The following MAML3 variants were observed in gnomAD, a reference collection of about 807,000 sequenced individuals.
MAML3 encodes mastermind like transcriptional coactivator 3, also known as mastermind-like protein 3.
Under a neutral mutation model 101.9 loss-of-function variants are expected in MAML3, and 27 were observed. The ratio of observed to expected loss-of-function variants is 0.27; its 90% CI spans 0.20 to 0.37. MAML3 has a LOEUF of 0.37. MAML3 is among the 10% of genes least tolerant of loss of function. The pLI is 1.00. For missense variants in MAML3, 1,316 were observed against 1,444.9 expected, an observed-to-expected ratio of 0.91 and a Z score of 1.45; for synonymous variants, 501 against 555.9, an observed-to-expected ratio of 0.90 and a Z score of 1.39.
intron 1 of MAML3, among the ~76,000 whole-genome samples, chr4:139,941,772 C>T (rs1380543118): frequency 6.6e-6 from 1 of 152,092 alleles, no homozygotes; most frequent in Non-Finnish European, 1.5e-5. Flanking sequence ...CTAATATGCT[C>T]TTATATTTCA....
chr4:140,041,068 C>T (rs1727078092), intron 1 of MAML3, among the ~76,000 whole-genome samples: 1 of 151,992 alleles, frequency 6.6e-6, no homozygotes, highest in East Asian at 1.9e-4. Flanking sequence ...TGCTTATATT[C>T]CCAACATTTA....
At chr4:140,101,327 T>C (rs2110996423) in intron 1 of MAML3, among the ~76,000 whole-genome samples, 1 of 152,318 alleles carries the variant, frequency 6.6e-6, no homozygotes, top group Non-Finnish European at 1.5e-5. Flanking sequence ...GGGAGGAAAG[T>C]GGCCTTGTGT....
intron 1 of MAML3, among the ~76,000 whole-genome samples, chr4:140,052,208 T>C (rs1727280517): frequency 6.6e-6 from 1 of 152,200 alleles, no homozygotes; most frequent in African/African-American, 2.4e-5. Flanking sequence ...AACTCTAATG[T>C]TTTAGCACTA....
chr4:139,718,325 C>G lies in MAML3; in HGVS notation c.*998G>C, dbSNP rs1728078026. On this transcript the variant is annotated 3_prime_UTR_variant, in exon 5 of 5. Coordinates refer to ENST00000509479, the MANE Select transcript of MAML3 (RefSeq NM_018717.5). ...TAAGTTCTTCCTGCATTTATGTGGA[C>G]TCTGCCCAAGGCTCCCTAAAGACAT... 1 of 152,266 alleles carries G rather than the reference C, an allele frequency of 6.6e-6. No individual in the cohort carries two copies. The highest frequency in any genetic ancestry group is 1.5e-5 in the Non-Finnish European group (1 of 68,082). The allele number at this position is 152,266 out of a possible 1,614,324, so 9.4% of individuals were successfully genotyped here.
chr4:139,909,053 G>C (rs1578591951), intron 1 of MAML3, among the ~76,000 whole-genome samples: 1 of 152,200 alleles, frequency 6.6e-6, no homozygotes, highest in Non-Finnish European at 1.5e-5. Flanking sequence ...CTAGTAGTTA[G>C]AGGTTTGCGT....
intron 1 of MAML3, among the ~76,000 whole-genome samples, chr4:140,103,036 C>T (rs201292302): frequency 1.3e-5 from 2 of 152,300 alleles, no homozygotes; most frequent in East Asian, 3.9e-4. Context: ...ATAATTTGGG[C>T]TTTGTTGTAA....
intron 2 of MAML3, among the ~76,000 whole-genome samples, chr4:139,761,319 T>C (rs1485353541): frequency 1.3e-5 from 2 of 152,212 alleles, no homozygotes; most frequent in Non-Finnish European, 2.9e-5. Context: ...GGAAAACTTT[T>C]CGACAGAATG....
chr4:139,993,689 G>A (rs1039893980), intron 1 of MAML3, among the ~76,000 whole-genome samples: 2 of 151,826 alleles, frequency 1.3e-5, no homozygotes, highest in African/African-American at 2.4e-5. Context: ...TTAACTGGGT[G>A]TGGTGGCGGG....
intron 1 of MAML3, among the ~76,000 whole-genome samples, chr4:140,034,042 TAAC>T (rs998142292): frequency 4.6e-5 from 7 of 152,222 alleles, no homozygotes; most frequent in African/African-American, 1.4e-4. Flanking sequence ...CCAATAATAA[TAAC>T]AACAACAACA....
At chr4:139,995,639 C>T (rs1229420054) in intron 1 of MAML3, among the ~76,000 whole-genome samples, 5 of 152,040 alleles carry the variant, frequency 3.3e-5, no homozygotes, top group Non-Finnish European at 5.9e-5. Flanking sequence ...ACAATACTAC[C>T]ATATAATTAT....
chr4:140,018,012 A>G (rs143226620), intron 1 of MAML3, among the ~76,000 whole-genome samples: 12 of 152,174 alleles, frequency 7.9e-5, no homozygotes, highest in African/African-American at 2.9e-4. Flanking sequence ...GGTTAATTTT[A>G]AAAATACAAA....
At position 139,895,141 on chromosome 4, in the gene MAML3, T is replaced by C. The variant is rs918746819; in HGVS notation, c.469-4174A>G. On this transcript the variant is annotated intron_variant, in intron 1 of 4. Coordinates refer to ENST00000509479, the MANE Select transcript of MAML3 (RefSeq NM_018717.5). ...TGGCTGGAAACCCAAGTTTCACCTCTTACGGCTGAGTGAGCAGCTGGGTGA... is the reference window on the plus strand; with the variant it reads ...TGGCTGGAAACCCAAGTTTCACCTCCTACGGCTGAGTGAGCAGCTGGGTGA... Among the ~76,000 whole-genome samples the C allele has an allele frequency of 1.6e-3, 242 of 152,224 alleles. 1 individual carries two copies. The highest frequency in any genetic ancestry group is 3.1e-4 in the Non-Finnish European group (21 of 68,034).
chr4:139,975,775 G>C (rs1347295546), intron 1 of MAML3, among the ~76,000 whole-genome samples: 1 of 152,152 alleles, frequency 6.6e-6, no homozygotes, highest in African/African-American at 2.4e-5. Context: ...GGAGGGCCTA[G>C]AGGTTATGAA....
At chr4:139,743,592 G>T (rs753048121) in intron 2 of MAML3, among the ~76,000 whole-genome samples, 1 of 152,170 alleles carries the variant, frequency 6.6e-6, no homozygotes, top group Non-Finnish European at 1.5e-5. Context: ...GAGTGGAGGA[G>T]GGGTGAGTGG....
chr4:139,870,772 G>A (rs780722856), intron 2 of MAML3, among the ~76,000 whole-genome samples: 1 of 152,132 alleles, frequency 6.6e-6, no homozygotes, highest in Non-Finnish European at 1.5e-5. Context: ...CTCCTAAGTA[G>A]CTGGGACCAC....
chr4:140,024,777 G>A (rs1726792765), intron 1 of MAML3, among the ~76,000 whole-genome samples: 1 of 152,178 alleles, frequency 6.6e-6, no homozygotes, highest in South Asian at 2.1e-4. Context: ...AAGGAGAAAG[G>A]CCTGACTTAC....
In MAML3 at chr4:140,030,779, G is replaced by A. The variant is rs536106670; in HGVS notation, c.468+122081C>T. ...GTAGGGAGTTCTGAGGCTACCTCCC[G>A]CCACTGGGCAAGCCTCATAACAGAG... is the stretch of plus-strand genomic sequence containing the variant. On this transcript the variant is annotated intron_variant, in intron 1 of 4. Transcript: ENST00000509479. Among the ~76,000 whole-genome samples, 7 of 152,266 alleles carry A rather than the reference G, an allele frequency of 4.6e-5. No homozygotes were observed. In the South Asian group the frequency reaches 6.2e-4, roughly 14 times the overall value.
chr4:139,746,769 C>T (rs1243902154), intron 2 of MAML3, among the ~76,000 whole-genome samples: 3 of 152,192 alleles, frequency 2.0e-5, no homozygotes, highest in African/African-American at 4.8e-5. Context: ...TTTCTGTGCA[C>T]CCACCAAAAG....
At chr4:140,109,035 T>C (rs1728398756) in intron 1 of MAML3, among the ~76,000 whole-genome samples, 1 of 152,174 alleles carries the variant, frequency 6.6e-6, no homozygotes, top group Non-Finnish European at 1.5e-5. Context: ...ACTATAAAGC[T>C]AGTTTCAACT....
Sources: allele counts gnomAD v4.1 joint callset (sites outside exome capture counted in the v4.1 genomes callset), GRCh38; gene constraint gnomAD v4.1.1; transcripts MANE v1.5; gene names NCBI Gene and HGNC (gene_info 2026-07-23, HGNC 2026-07-21).